SLC24A3: variants seen among roughly 807,000 people sequenced by gnomAD.
SLC24A3 encodes sodium/potassium/calcium exchanger 3.
SLC24A3 carries 28 observed loss-of-function variants against 75.8 expected under a neutral mutation model. The observed-to-expected ratio is 0.37, with a 90% confidence interval of 0.27 to 0.51. The LOEUF (loss-of-function observed/expected upper bound fraction) is 0.51. Among genes scored for constraint, SLC24A3 ranks in the 20% least tolerant of loss-of-function variants. The pLI, the probability that SLC24A3 is intolerant of heterozygous loss-of-function variation, is 0.94. For synonymous variants in SLC24A3, 372 were observed against 334.1 expected, an observed-to-expected ratio of 1.11 and a Z score of -1.24; for missense variants, 663 against 847.8, an observed-to-expected ratio of 0.78 and a Z score of 2.71.
chr20:19,221,583 C>T (rs1414580253), intron 1 of SLC24A3, among the ~76,000 whole-genome samples: 1 of 152,198 alleles, frequency 6.6e-6, no homozygotes, highest in Non-Finnish European at 1.5e-5. Flanking sequence ...TACCTCTACA[C>T]TTAGAAGATA....
chr20:19,584,900 G>T, intron 4 of SLC24A3, 71 bp from the exon 5 acceptor site: 30 of 1,414,658 alleles, frequency 2.1e-5, no homozygotes, highest in Non-Finnish European at 3.0e-5. Context: ...TTGGACTCTC[G>T]GGTGTCACAG....
chr20:19,240,567 T>C (rs1023296162), intron 1 of SLC24A3, among the ~76,000 whole-genome samples: 2 of 151,802 alleles, frequency 1.3e-5, no homozygotes, highest in Admixed American at 1.3e-4. Flanking sequence ...CTTGTGAAGG[T>C]GGAAATGAAA....
chr20:19,519,174 C>T (rs2122562183), intron 3 of SLC24A3, among the ~76,000 whole-genome samples: 1 of 152,316 alleles, frequency 6.6e-6, no homozygotes, highest in South Asian at 2.1e-4. Context: ...CTACACTCAA[C>T]CTGCCCCTTT....
intron 3 of SLC24A3, among the ~76,000 whole-genome samples, chr20:19,570,307 ACCAGGCC>A (rs778534134): frequency 6.6e-6 from 1 of 152,104 alleles, no homozygotes; most frequent in African/African-American, 2.4e-5. Context: ...ATCACCTCCC[ACCAGGCC>A]CCTCCTCCAA....
intron 3 of SLC24A3, among the ~76,000 whole-genome samples, chr20:19,531,002 A>T (rs1041111246): frequency 6.6e-6 from 1 of 152,152 alleles, no homozygotes. Flanking sequence ...CCCCAAAATA[A>T]TAATATTAAA....
At chr20:19,332,718 G>A (rs915463025) in intron 2 of SLC24A3, among the ~76,000 whole-genome samples, 1 of 152,110 alleles carries the variant, frequency 6.6e-6, no homozygotes, top group African/African-American at 2.4e-5. Context: ...GGTTCCCAGC[G>A]CTCCCTAAAA....
intron 1 of SLC24A3, among the ~76,000 whole-genome samples, chr20:19,236,510 G>A (rs528941093): frequency 1.4e-3 from 216 of 151,990 alleles, no homozygotes; most frequent in African/African-American, 4.7e-3. Context: ...CTAGTACTTC[G>A]GAAGGCTGGG....
chr20:19,584,276 C>A (rs1445313946), intron 4 of SLC24A3, among the ~76,000 whole-genome samples: 3 of 152,116 alleles, frequency 2.0e-5, no homozygotes, highest in Non-Finnish European at 4.4e-5. Context: ...TTCTTTTCAG[C>A]CTTAAGCCCC....
chr20:19,321,091 A>G (rs573258243), intron 2 of SLC24A3, among the ~76,000 whole-genome samples: 68 of 132,098 alleles, frequency 5.1e-4, no homozygotes, highest in Non-Finnish European at 4.6e-4. Flanking sequence ...GTGTGTGTGT[A>G]TATATATATG....
At chr20:19,232,952 G>C (rs1416685325) in intron 1 of SLC24A3, among the ~76,000 whole-genome samples, 1 of 152,218 alleles carries the variant, frequency 6.6e-6, no homozygotes, top group East Asian at 1.9e-4. Context: ...TTTGGAAAAT[G>C]AATCGACTTG....
chr20:19,577,673 A>G (rs1028010804), intron 3 of SLC24A3, among the ~76,000 whole-genome samples: 1 of 152,240 alleles, frequency 6.6e-6, no homozygotes, highest in Non-Finnish European at 1.5e-5. Flanking sequence ...ATGCAAATAT[A>G]TAATATGTGT....
intron 2 of SLC24A3, among the ~76,000 whole-genome samples, chr20:19,515,272 G>A (rs1311637483): frequency 1.3e-5 from 2 of 152,174 alleles, no homozygotes; most frequent in African/African-American, 2.4e-5. Context: ...TATCTGTGGG[G>A]CCGAGCCCCA....
rs6046067 is a variant in SLC24A3, at chr20:19,408,543, C to G, written c.272-106945C>G. 8.2e-3 allele frequency among the ~76,000 whole-genome samples: 1,255 copies of G among 152,216 alleles called. 11 individuals are homozygous for G. Among genetic ancestry groups the G allele is most frequent in the African/African-American group, 0.029 (1,190 of 41,520 alleles). ...TAGCTGGGACTACTGGTGCACACCACTACTCCCGGCTAATTTTTGTATTTT... is the reference window on the plus strand; with the variant it reads ...TAGCTGGGACTACTGGTGCACACCAGTACTCCCGGCTAATTTTTGTATTTT... On this transcript the variant is annotated intron_variant, in intron 2 of 16. Transcript: ENST00000328041.
At chr20:19,419,882 G>C (rs1986888907) in intron 2 of SLC24A3, among the ~76,000 whole-genome samples, 1 of 140,598 alleles carries the variant, frequency 7.1e-6, no homozygotes, top group African/African-American at 2.7e-5. Flanking sequence ...CATTGTGCAG[G>C]TTAGTTACAT....
At chr20:19,228,063 C>A (rs915619945) in intron 1 of SLC24A3, among the ~76,000 whole-genome samples, 2 of 152,140 alleles carry the variant, frequency 1.3e-5, no homozygotes, top group African/African-American at 4.8e-5. Context: ...GAAGGTTACT[C>A]TGGTATTTAT....
chr20:19,364,549 G>A (rs940048103), intron 2 of SLC24A3, among the ~76,000 whole-genome samples: 8 of 152,076 alleles, frequency 5.3e-5, no homozygotes, highest in South Asian at 2.1e-4. Context: ...TCAAACTCCC[G>A]GGCTCAGTTG....
At position 19,222,777 on chromosome 20, in the gene SLC24A3, C is replaced by T. The variant is rs868378613; in HGVS notation, c.142+9793C>T. Among the ~76,000 whole-genome samples the T allele has an allele frequency of 1.6e-3, 208 of 126,428 alleles. 1 individual carries two copies. Among genetic ancestry groups the T allele is most frequent in the Middle Eastern group, 0.011 (3 of 278 alleles). 82.9% of individuals were successfully genotyped at this position (126,428 alleles called of 152,430 possible). A position where few individuals can be genotyped will look rare whatever the true frequency, so the allele number is the denominator to read the frequency against. ...TTCTTCCTTCCCTCCTCCCCTTCCC[C>T]TCCCTCCCTTCCTTCCTTCCTTCCT... On this transcript the variant is annotated intron_variant, in intron 1 of 16. Transcript: ENST00000328041.
At chr20:19,402,949 G>C (rs1986579138) in intron 2 of SLC24A3, among the ~76,000 whole-genome samples, 1 of 152,198 alleles carries the variant, frequency 6.6e-6, no homozygotes, top group African/African-American at 2.4e-5. Context: ...TGTGACTACT[G>C]TACCCAAAGA....
chr20:19,293,989 G>T (rs994742902), intron 2 of SLC24A3, among the ~76,000 whole-genome samples: 6 of 152,090 alleles, frequency 3.9e-5, no homozygotes, highest in African/African-American at 1.2e-4. Flanking sequence ...CATAGCATTT[G>T]CATATAACCT....
Sources: allele counts gnomAD v4.1 joint callset (sites outside exome capture counted in the v4.1 genomes callset), GRCh38; gene constraint gnomAD v4.1.1; transcripts MANE v1.5; gene names NCBI Gene and HGNC (gene_info 2026-07-23, HGNC 2026-07-21).